The following STK31 variants were observed in gnomAD, a reference collection of about 807,000 sequenced individuals.
The protein encoded by STK31 is serine/threonine-protein kinase 31.
STK31 carries 89 observed loss-of-function variants against 129.7 expected under a neutral mutation model. The observed-to-expected ratio is 0.69, with a 90% CI of 0.58 to 0.82. The LOEUF (loss-of-function observed/expected upper bound fraction) is 0.82, where lower values mean the gene tolerates loss of function less well. Among genes scored for constraint, STK31 ranks in the 40% least tolerant of loss-of-function variants. The pLI is 0.00. For synonymous variants in STK31, 448 were observed against 395.3 expected (o/e 1.13, Z -1.58); for missense variants, 1,187 against 1,176.4 (o/e 1.01, Z -0.13).
intron 22 of STK31, among the ~76,000 whole-genome samples, chr7:23,797,093 A>G (rs554324924): frequency 2.6e-4 from 39 of 152,328 alleles, no homozygotes; most frequent in African/African-American, 8.4e-4. Flanking sequence ...CACCCAATAC[A>G]AGAGCACCAA....
At chr7:23,715,397 C>A (rs894446640) in intron 3 of STK31, among the ~76,000 whole-genome samples, 1 of 150,602 alleles carries the variant, frequency 6.6e-6, no homozygotes, top group African/African-American at 2.4e-5. Flanking sequence ...GTGAGAGGAT[C>A]GCCTGAGCCC....
intron 22 of STK31, among the ~76,000 whole-genome samples, chr7:23,809,683 T>G (rs764436587): frequency 6.6e-6 from 1 of 152,212 alleles, no homozygotes; most frequent in African/African-American, 2.4e-5. Context: ...CCAACACAGT[T>G]CAAATCTACA....
intron 15 of STK31, among the ~76,000 whole-genome samples, chr7:23,780,718 A>C (rs1181310566): frequency 1.3e-5 from 2 of 152,230 alleles, no homozygotes; most frequent in Non-Finnish European, 2.9e-5. Flanking sequence ...TGAGAAAATA[A>C]GCCATCAATT....
At chr7:23,743,462 T>G (rs547506938) in intron 8 of STK31, among the ~76,000 whole-genome samples, 1 of 152,326 alleles carries the variant, frequency 6.6e-6, no homozygotes, top group South Asian at 2.1e-4. Flanking sequence ...AATATATTGT[T>G]TCATTCTCTC....
intron 22 of STK31, among the ~76,000 whole-genome samples, chr7:23,809,522 CAT>C (rs1314498477): frequency 3.3e-5 from 5 of 152,288 alleles, no homozygotes; most frequent in Non-Finnish European, 4.4e-5. Flanking sequence ...GGGACCCCCA[CAT>C]ATGCCAAAAT....
chr7:23,782,655 A>G (rs944025785), intron 16 of STK31, among the ~76,000 whole-genome samples: 1 of 152,168 alleles, frequency 6.6e-6, no homozygotes, highest in African/African-American at 2.4e-5. Context: ...TTGCTTAATA[A>G]ATATGTGATA....
At chr7:23,775,244 G>T (rs764069109) in intron 15 of STK31, among the ~76,000 whole-genome samples, 2 of 152,082 alleles carry the variant, frequency 1.3e-5, no homozygotes, top group Non-Finnish European at 2.9e-5. Flanking sequence ...TTGTAGTATA[G>T]TTAAAGTCAG....
At chr7:23,733,262 A>AT (rs927531628) in intron 6 of STK31, among the ~76,000 whole-genome samples, 6 of 152,012 alleles carry the variant, frequency 3.9e-5, no homozygotes, top group African/African-American at 1.2e-4. Context: ...TTAAAAAATT[A>AT]TTTTTTCAGC....
intron 22 of STK31, among the ~76,000 whole-genome samples, chr7:23,813,078 C>T (rs1182296095): frequency 7.0e-4 from 66 of 94,056 alleles, no homozygotes; most frequent in South Asian, 1.2e-3. Flanking sequence ...GCTCTCTGTT[C>T]TTTTTTTTTT....
chr7:23,720,031 C>A (rs1420645655), intron 4 of STK31, among the ~76,000 whole-genome samples: 1 of 152,082 alleles, frequency 6.6e-6, no homozygotes, highest in Non-Finnish European at 1.5e-5. Flanking sequence ...TGTTTTCAGG[C>A]CTTACTAGGA....
intron 3 of STK31, among the ~76,000 whole-genome samples, chr7:23,717,097 C>CTTTATTTTTTTTTTT (rs1786382682): frequency 2.3e-5 from 1 of 42,936 alleles, no homozygotes; most frequent in Non-Finnish European, 4.2e-5. Flanking sequence ...TCGCAACCTG[C>CTTTATTTTTTTTTTT]TTTTTTTTTT....
chr7:23,828,283 C>T (rs962214044), intron 23 of STK31, among the ~76,000 whole-genome samples: 1 of 152,346 alleles, frequency 6.6e-6, no homozygotes, highest in East Asian at 1.9e-4. Flanking sequence ...CTACTCAAGC[C>T]TGAGCAATGG....
intron 11 of STK31, among the ~76,000 whole-genome samples, chr7:23,768,015 A>G (rs1584411942): frequency 6.6e-6 from 1 of 152,156 alleles, no homozygotes; most frequent in South Asian, 2.1e-4. Context: ...ACATTAAAAA[A>G]TTTTATTGTT....
In STK31 at chr7:23,786,864, C is replaced by T; in HGVS notation, c.2427C>T (p.Val809=). ...CTGATCCTATGGCTTATCTGATGGT[C>T]CCATACTACCCTAGGGCAAACCTGA... ...CKSDPMAYLM[V]PYYPRANLNA... Residue 809 remains valine (V), a synonymous_variant, in exon 20 of 24, where the codon GTC becomes GTT. Coordinates refer to ENST00000355870, the MANE Select transcript of STK31 (RefSeq NM_031414.5). 6.2e-7 allele frequency: 1 copy of T among 1,613,886 alleles called. No homozygotes were observed. Among genetic ancestry groups the T allele is most frequent in the Non-Finnish European group, 8.5e-7 (1 of 1,179,912 alleles).
At chr7:23,829,854 C>G (rs951470196) in intron 23 of STK31, among the ~76,000 whole-genome samples, 2 of 152,166 alleles carry the variant, frequency 1.3e-5, no homozygotes, top group African/African-American at 4.8e-5. Context: ...TGATTCAAAC[C>G]TGGTAGGTTG....
chr7:23,777,777 G>C (rs1419376267), intron 15 of STK31, among the ~76,000 whole-genome samples: 1 of 151,994 alleles, frequency 6.6e-6, no homozygotes, highest in African/African-American at 2.4e-5. Flanking sequence ...AATGGGTCTT[G>C]ACTCTTTATC....
intron 4 of STK31, among the ~76,000 whole-genome samples, chr7:23,720,990 A>G (rs1268626660): frequency 1.3e-5 from 2 of 152,230 alleles, no homozygotes; most frequent in African/African-American, 4.8e-5. Context: ...CCTTATATAA[A>G]ATTAAATCTA....
intron 10 of STK31, among the ~76,000 whole-genome samples, chr7:23,758,291 G>A (rs374367449): frequency 2.0e-5 from 3 of 152,244 alleles, no homozygotes; most frequent in East Asian, 3.9e-4. Context: ...ATGGTAGTTG[G>A]TATTTTTGTG....
At chr7:23,718,654 G>T (rs931540305) in intron 4 of STK31, among the ~76,000 whole-genome samples, 4 of 152,004 alleles carry the variant, frequency 2.6e-5, no homozygotes, top group Non-Finnish European at 5.9e-5. Context: ...CATTTATATT[G>T]TTGTGTGTAT....
Sources: allele counts gnomAD v4.1 joint callset (sites outside exome capture counted in the v4.1 genomes callset), GRCh38; gene constraint gnomAD v4.1.1; transcripts MANE v1.5; gene names NCBI Gene and HGNC (gene_info 2026-07-23, HGNC 2026-07-21).